Variants in COX6B1 observed in about 807,000 individuals in gnomAD.
COX6B1 encodes COX VIb-1.
Under a neutral mutation model 14.0 loss-of-function variants are expected in COX6B1, and 2 were observed. The observed-to-expected ratio is 0.14, with a 90% confidence interval of 0.06 to 0.45. The LOEUF is 0.45. COX6B1 is among the 20% of genes least tolerant of loss of function. The pLI, the probability that COX6B1 is intolerant of heterozygous loss-of-function variation, is 0.98. For synonymous variants in COX6B1, 30 were observed against 39.7 expected, an observed-to-expected ratio of 0.76 and a Z score of 0.92; for missense variants, 81 against 114.2, an observed-to-expected ratio of 0.71 and a Z score of 1.33.
intron 3 of COX6B1, among the ~76,000 whole-genome samples, chr19:35,656,494 T>C (rs947075861): frequency 2.6e-5 from 4 of 150,954 alleles, no homozygotes; most frequent in South Asian, 2.1e-4. Context: ...TTTTTTTTTT[T>C]TTTTGAGATG....
intron 3 of COX6B1, among the ~76,000 whole-genome samples, chr19:35,655,486 A>C (rs1967878833): frequency 6.6e-6 from 1 of 152,144 alleles, no homozygotes; most frequent in South Asian, 2.1e-4. Flanking sequence ...CAAGTCCCAG[A>C]CACGTCATTT....
chr19:35,655,712 G>A (rs1340885462), intron 3 of COX6B1, among the ~76,000 whole-genome samples: 1 of 151,262 alleles, frequency 6.6e-6, no homozygotes, highest in East Asian at 1.9e-4. Flanking sequence ...TCCTGTCTCA[G>A]CCTCCTGAGT....
At chr19:35,649,119 T>C (rs1166745825) in intron 1 of COX6B1, among the ~76,000 whole-genome samples, 1 of 152,130 alleles carries the variant, frequency 6.6e-6, no homozygotes. Flanking sequence ...ACGAACACTG[T>C]CACTTCTTCA....
chr19:35,652,862 G>A (rs893741552), intron 2 of COX6B1, among the ~76,000 whole-genome samples: 4 of 151,196 alleles, frequency 2.6e-5, no homozygotes, highest in Admixed American at 1.3e-4. Context: ...GCAATGGCAC[G>A]ATCTCAGCTC....
chr19:35,649,829 C>T (rs1336499108), intron 1 of COX6B1, among the ~76,000 whole-genome samples: 1 of 151,910 alleles, frequency 6.6e-6, no homozygotes, highest in Admixed American at 6.6e-5. Flanking sequence ...ACCATGTTGC[C>T]CAGGCTGGTC....
intron 3 of COX6B1, among the ~76,000 whole-genome samples, chr19:35,655,404 T>C (rs141853407): frequency 6.2e-4 from 95 of 152,288 alleles, no homozygotes; most frequent in African/African-American, 2.0e-3. Flanking sequence ...TGAATAGTTA[T>C]CAGGATTTAT....
At chr19:35,651,128 A>C in intron 1 of COX6B1, 105 bp from the exon 2 acceptor site, 1 of 752,010 alleles carries the variant, frequency 1.3e-6, no homozygotes, top group South Asian at 1.4e-5. Flanking sequence ...ACTTGTTCAC[A>C]CCCAGCCCAT....
At chr19:35,650,361 G>A (rs193051328) in intron 1 of COX6B1, among the ~76,000 whole-genome samples, 2 of 152,290 alleles carry the variant, frequency 1.3e-5, no homozygotes, top group East Asian at 3.9e-4. Flanking sequence ...TTGTGATGCT[G>A]TGCAGGTTTT....
At chr19:35,655,823 C>T (rs995108116) in intron 3 of COX6B1, among the ~76,000 whole-genome samples, 2 of 147,910 alleles carry the variant, frequency 1.4e-5, no homozygotes, top group South Asian at 2.1e-4. Context: ...CTCTCTTTCT[C>T]TCTCGCTCTC....
chr19:35,657,485 G>C (rs991576940), intron 3 of COX6B1, among the ~76,000 whole-genome samples: 1 of 151,964 alleles, frequency 6.6e-6, no homozygotes, highest in African/African-American at 2.4e-5. Flanking sequence ...ACCAGTACCT[G>C]GTAGGCACTG....
chr19:35,654,599 C>A lies in COX6B1; in HGVS notation c.135C>A (p.Thr45=), dbSNP rs762065955. 5.0e-6 allele frequency: 8 copies of A among 1,614,022 alleles called. No individual in the cohort carries two copies. The East Asian group carries it at 1.6e-4, about 31-fold the overall frequency. Residue 45 remains threonine, a synonymous_variant, in exon 3 of 4, where the codon ACC becomes ACA. Transcript: ENST00000649813. The stretch of plus-strand genomic sequence containing the variant: ...TCCACCGCTGTCAGAAGGCAATGAC[C>A]GCTAAAGGAGGCGATATCTCTGTGT... ...LDFHRCQKAM[T]AKGGDISVCE...
chr19:35,650,666 C>G (rs1967814685), intron 1 of COX6B1, among the ~76,000 whole-genome samples: 1 of 151,590 alleles, frequency 6.6e-6, no homozygotes, highest in Non-Finnish European at 1.5e-5. Context: ...CTAGGTCGTA[C>G]CAGTGAGCCT....
intron 1 of COX6B1, among the ~76,000 whole-genome samples, chr19:35,650,601 G>C (rs1006497153): frequency 2.0e-5 from 3 of 151,982 alleles, no homozygotes; most frequent in Admixed American, 2.0e-4. Context: ...TCAGCTGTTC[G>C]GGAGGCTGAG....
chr19:35,653,735 C>T (rs942304069), intron 2 of COX6B1, among the ~76,000 whole-genome samples: 7 of 151,792 alleles, frequency 4.6e-5, no homozygotes, highest in Non-Finnish European at 7.4e-5. Flanking sequence ...TGCCCGCCAC[C>T]GCGCCCAGCT....
intron 2 of COX6B1, among the ~76,000 whole-genome samples, chr19:35,653,630 G>A (rs1373754825): frequency 6.0e-5 from 9 of 149,010 alleles, no homozygotes; most frequent in Non-Finnish European, 1.2e-4. Context: ...GCCCAGGCTG[G>A]AGTGCAGTGG....
At chr19:35,650,763 G>A (rs2146369689) in intron 1 of COX6B1, among the ~76,000 whole-genome samples, 1 of 152,126 alleles carries the variant, frequency 6.6e-6, no homozygotes, top group Middle Eastern at 3.4e-3. Flanking sequence ...CTGCTGAGGA[G>A]TTTGTGGCAC....
chr19:35,657,849 G>A (rs1472347937), intron 3 of COX6B1, among the ~76,000 whole-genome samples: 1 of 151,840 alleles, frequency 6.6e-6, no homozygotes, highest in Admixed American at 6.6e-5. Context: ...TAGAGACAGG[G>A]TTTTGCCACA....
intron 3 of COX6B1, among the ~76,000 whole-genome samples, 200 bp from the exon 4 acceptor site, chr19:35,658,394 C>T (rs1967910608): frequency 6.6e-6 from 1 of 152,104 alleles, no homozygotes; most frequent in Admixed American, 6.6e-5. Flanking sequence ...TTACTCTCCT[C>T]CCAGCATGTC....
chr19:35,658,477 C>A, intron 3 of COX6B1, 117 bp from the exon 4 acceptor site: 1 of 846,660 alleles, frequency 1.2e-6, no homozygotes, highest in Non-Finnish European at 2.0e-6. Context: ...TAGAGGTTGG[C>A]ACACAGCAGG....
Sources: gnomAD v4.1 joint callset for allele counts (sites outside exome capture counted in the v4.1 genomes callset) on GRCh38, gnomAD v4.1.1 for gene constraint, MANE v1.5 for transcripts, NCBI Gene and HGNC (gene_info 2026-07-23, HGNC 2026-07-21) for gene names.